TMTC3: variants seen among roughly 807,000 people sequenced by gnomAD.
The protein encoded by TMTC3 is protein O-mannosyl-transferase TMTC3.
In TMTC3, 52 loss-of-function variants were observed where a neutral mutation model predicts 92.2. The ratio of observed to expected loss-of-function variants is 0.56; its 90% CI spans 0.45 to 0.71. TMTC3 has a LOEUF of 0.71. Among genes scored for constraint, TMTC3 ranks in the 30% least tolerant of loss-of-function variants. The pLI is 0.00. For synonymous variants in TMTC3, 339 were observed against 363.3 expected, an observed-to-expected ratio of 0.93 and a Z score of 0.76; for missense variants, 896 against 1,057.1, an observed-to-expected ratio of 0.85 and a Z score of 2.11.
At chr12:88,194,264 C>G (rs1220648632) in intron 13 of TMTC3, among the ~76,000 whole-genome samples, 1 of 152,034 alleles carries the variant, frequency 6.6e-6, no homozygotes, top group Non-Finnish European at 1.5e-5. Flanking sequence ...AATTTTATAG[C>G]CCTATATTTA....
At chr12:88,146,787 A>G (rs976811557) in intron 1 of TMTC3, among the ~76,000 whole-genome samples, 1 of 150,824 alleles carries the variant, frequency 6.6e-6, no homozygotes, top group Non-Finnish European at 1.5e-5. Flanking sequence ...AAACTATAGC[A>G]AATCCCAAGT....
At chr12:88,182,519 C>G (rs567348480) in intron 10 of TMTC3, among the ~76,000 whole-genome samples, 2 of 152,070 alleles carry the variant, frequency 1.3e-5, no homozygotes, top group Admixed American at 1.3e-4. Flanking sequence ...TTTAATTTAA[C>G]CTTTTGAGGT....
Position 88,174,671 on chromosome 12 carries a change from T to C in TMTC3, c.1264T>C (p.Phe422Leu). ...MVILTHSLKT[F>L]HRNWDWESEY... is the part of the protein sequence containing the mutation. ...GATACTCACTCATTCCTTAAAAACA[T>C]TCCACAGAAATTGGGATTGGGAGTC... Residue 422 changes from phenylalanine (F) to leucine (L), a missense_variant, in exon 9 of 14, where the codon TTC (phenylalanine) becomes CTC (leucine). Transcript: ENST00000266712. The C allele has an allele frequency of 1.9e-6, 3 of 1,612,580 alleles. No individual in the cohort carries two copies. Among genetic ancestry groups the C allele is most frequent in the Non-Finnish European group, 2.5e-6 (3 of 1,179,020 alleles).
chr12:88,182,835 A>G (rs546428673), intron 10 of TMTC3, among the ~76,000 whole-genome samples: 1 of 152,286 alleles, frequency 6.6e-6, no homozygotes, highest in East Asian at 1.9e-4. Flanking sequence ...CTGGCCTTTC[A>G]TTATTGATAG....
chr12:88,162,341 T>C (rs1041986408), intron 6 of TMTC3, among the ~76,000 whole-genome samples: 46 of 152,322 alleles, frequency 3.0e-4, no homozygotes, highest in African/African-American at 1.1e-3. Context: ...AATCTGTAGA[T>C]TTTAATTTTG....
At chr12:88,160,657 A>G (rs1178373128) in intron 5 of TMTC3, 22 bp from the exon 6 acceptor site, 1 of 1,608,446 alleles carries the variant, frequency 6.2e-7, no homozygotes. Flanking sequence ...TTGTTGCTTA[A>G]AACATTTCTT....
chr12:88,162,351 G>A (rs993008474), intron 6 of TMTC3, among the ~76,000 whole-genome samples: 1 of 151,902 alleles, frequency 6.6e-6, no homozygotes, highest in Non-Finnish European at 1.5e-5. Flanking sequence ...TTTTAATTTT[G>A]TAAAAATTTT....
At chr12:88,176,393 G>A (rs2138414418) in intron 10 of TMTC3, 74 bp downstream of exon 10, 3 of 1,109,820 alleles carry the variant, frequency 2.7e-6, no homozygotes, top group Non-Finnish European at 3.9e-6. Context: ...GGGAAATAAG[G>A]TAGTTTATTT....
intron 12 of TMTC3, among the ~76,000 whole-genome samples, chr12:88,192,372 AT>A (rs977908853): frequency 6.6e-5 from 10 of 152,008 alleles, no homozygotes; most frequent in Admixed American, 5.2e-4. Context: ...ATCAGGCATA[AT>A]TTTTTTCTTC....
chr12:88,159,128 A>G (rs907556190), intron 4 of TMTC3, among the ~76,000 whole-genome samples: 1 of 151,218 alleles, frequency 6.6e-6, no homozygotes, highest in Non-Finnish European at 1.5e-5. Flanking sequence ...ATCTTTTTTT[A>G]AACTAGAAAA....
chr12:88,185,555 C>T (rs1387782021), intron 10 of TMTC3, among the ~76,000 whole-genome samples: 11 of 152,018 alleles, frequency 7.2e-5, no homozygotes, highest in Admixed American at 7.2e-4. Flanking sequence ...CATTCATATA[C>T]CAGTCTTTAT....
chr12:88,150,401 G>T (rs1447035216), intron 2 of TMTC3, among the ~76,000 whole-genome samples: 4 of 152,116 alleles, frequency 2.6e-5, no homozygotes, highest in Non-Finnish European at 5.9e-5. Flanking sequence ...CAATATTGGG[G>T]ATTACATTTT....
intron 7 of TMTC3, among the ~76,000 whole-genome samples, chr12:88,171,193 CT>C (rs1284424508): frequency 1.3e-5 from 2 of 151,850 alleles, no homozygotes; most frequent in African/African-American, 2.4e-5. Context: ...ACATGTTTAG[CT>C]TTTTTTTAAT....
In TMTC3 at chr12:88,166,740, C is replaced by T. The variant is rs186914288; in HGVS notation, c.1050+158C>T. On this transcript the variant is annotated intron_variant, in intron 7 of 13. Transcript: ENST00000266712. ...GTATTTGAGTTTATCCCAAAATTCTCAGTTAATTTGCAGGCATAATTTGAC... is the reference window on the plus strand; with the variant it reads ...GTATTTGAGTTTATCCCAAAATTCTTAGTTAATTTGCAGGCATAATTTGAC... Among the ~76,000 whole-genome samples, 89 of 152,280 alleles carry T rather than the reference C, an allele frequency of 5.8e-4. 2 individuals carry two copies. The highest frequency in any genetic ancestry group is 5.8e-3 in the Admixed American group (88 of 15,296).
chr12:88,195,931 A>AATC lies in TMTC3; in HGVS notation c.*283_*285dup, dbSNP rs2041507606. 4.2e-6 allele frequency: 1 copy of AATC among 238,412 alleles called. No individual in the cohort carries two copies. Among genetic ancestry groups the AATC allele is most frequent in the Admixed American group, 5.1e-5 (1 of 19,514 alleles). The allele number at this position is 238,412 out of a possible 1,614,324, so 14.8% of individuals were successfully genotyped here. A position where few individuals can be genotyped will look rare whatever the true frequency, so the allele number is the denominator to read the frequency against. On this transcript the variant is annotated 3_prime_UTR_variant, in exon 14 of 14. Coordinates refer to ENST00000266712, the MANE Select transcript of TMTC3 (RefSeq NM_181783.4). ...AGAAAGAAGGTGTTTCTGGCAATGT[A>AATC]ATCTTTACTGCTCTCAATTAAAAAT...
intron 4 of TMTC3, among the ~76,000 whole-genome samples, chr12:88,159,568 T>A: frequency 6.6e-6 from 1 of 151,656 alleles, no homozygotes; most frequent in East Asian, 1.9e-4. Context: ...CTGAGGCAGA[T>A]GGATTGCCTG....
chr12:88,176,119 T>C, intron 9 of TMTC3, 89 bp from the exon 10 acceptor site: 1 of 853,828 alleles, frequency 1.2e-6, no homozygotes, highest in Non-Finnish European at 1.8e-6. Context: ...AGAACATTAT[T>C]TTCTTAATAG....
At chr12:88,147,133 A>G (rs142022587) in intron 1 of TMTC3, among the ~76,000 whole-genome samples, 1 of 151,706 alleles carries the variant, frequency 6.6e-6, no homozygotes, top group Non-Finnish European at 1.5e-5. Flanking sequence ...TTTAACAGCT[A>G]ATGTATCAAG....
chr12:88,159,080 A>AG (rs1232151155), intron 4 of TMTC3, among the ~76,000 whole-genome samples: 2 of 151,736 alleles, frequency 1.3e-5, no homozygotes, highest in East Asian at 3.8e-4. Flanking sequence ...AAAAAAAAAA[A>AG]AGAAAACCAA....
Sources: gnomAD v4.1 joint callset for allele counts (sites outside exome capture counted in the v4.1 genomes callset) on GRCh38, gnomAD v4.1.1 for gene constraint, MANE v1.5 for transcripts, NCBI Gene and HGNC (gene_info 2026-07-23, HGNC 2026-07-21) for gene names.